COL26A1: variants seen among roughly 807,000 people sequenced by gnomAD.
The protein encoded by COL26A1 is collagen alpha-1(XXVI) chain.
Under a neutral mutation model 59.3 loss-of-function variants are expected in COL26A1, and 41 were observed. The observed-to-expected ratio is 0.69, with a 90% CI of 0.54 to 0.90. The LOEUF is 0.90. Ranked by LOEUF, COL26A1 falls within the 40% of genes least tolerant of loss-of-function variation. The pLI, the probability that COL26A1 is intolerant of heterozygous loss-of-function variation, is 0.00. For missense variants in COL26A1, 612 were observed against 602.3 expected (o/e 1.02, Z -0.17); for synonymous variants, 266 against 256.0 (o/e 1.04, Z -0.37).
intron 1 of COL26A1, among the ~76,000 whole-genome samples, chr7:101,408,746 G>C (rs1242766179): frequency 1.3e-5 from 2 of 152,202 alleles, no homozygotes; most frequent in Non-Finnish European, 2.9e-5. Flanking sequence ...ATATTTGCCT[G>C]GTTGTATTTC....
intron 3 of COL26A1, among the ~76,000 whole-genome samples, chr7:101,510,691 A>G (rs1278043936): frequency 6.6e-6 from 1 of 151,618 alleles, no homozygotes. Context: ...AATTTTTTGT[A>G]GAGAATGAGG....
chr7:101,377,554 G>A (rs1420247764), intron 1 of COL26A1, among the ~76,000 whole-genome samples: 1 of 152,140 alleles, frequency 6.6e-6, no homozygotes, highest in Admixed American at 6.6e-5. Flanking sequence ...AGCCTCTCGA[G>A]TAGGTGGAAC....
At chr7:101,465,138 A>G (rs1793727488) in intron 3 of COL26A1, among the ~76,000 whole-genome samples, 2 of 151,470 alleles carry the variant, frequency 1.3e-5, no homozygotes, top group Non-Finnish European at 2.9e-5. Flanking sequence ...CCTGGGCTCA[A>G]GCAATCTTCC....
chr7:101,449,995 G>T (rs570535275), intron 3 of COL26A1, among the ~76,000 whole-genome samples: 53 of 151,694 alleles, frequency 3.5e-4, no homozygotes, highest in African/African-American at 1.2e-3. Flanking sequence ...ATAGTGGTGG[G>T]CGCCTGTAAT....
chr7:101,543,892 A>G (rs1795669931), intron 5 of COL26A1, 106 bp from the exon 6 acceptor site: 1 of 714,220 alleles, frequency 1.4e-6, no homozygotes, highest in African/African-American at 1.8e-5. Context: ...CCAGGTAGGC[A>G]GGGCTCCTGG....
intron 2 of COL26A1, among the ~76,000 whole-genome samples, chr7:101,436,488 C>T (rs1235096265): frequency 2.6e-5 from 4 of 151,882 alleles, no homozygotes; most frequent in South Asian, 4.2e-4. Context: ...AGAAGGGGTA[C>T]GTGCCCAGTG....
intron 3 of COL26A1, among the ~76,000 whole-genome samples, chr7:101,492,595 G>T (rs1794485555): frequency 6.6e-6 from 1 of 151,704 alleles, no homozygotes; most frequent in African/African-American, 2.4e-5. Flanking sequence ...TACTCAGGAG[G>T]CTGAGGCAGA....
intron 1 of COL26A1, among the ~76,000 whole-genome samples, chr7:101,380,332 G>C (rs571347534): frequency 1.2e-4 from 16 of 131,990 alleles, no homozygotes; most frequent in African/African-American, 3.5e-4. Context: ...GTCTCTCTCT[G>C]TCGCCCAGAC....
chr7:101,543,935 C>T, intron 5 of COL26A1, 63 bp from the exon 6 acceptor site: 1 of 1,254,050 alleles, frequency 8.0e-7, no homozygotes, highest in East Asian at 2.5e-5. Context: ...GGGGGCCAGG[C>T]CTGGAGCCAC....
In COL26A1 at chr7:101,364,849, C is replaced by G. The variant is rs193182527; in HGVS notation, c.158+1659C>G. The stretch of plus-strand genomic sequence containing the variant: ...CCTCCCAAAATGCTGGGATTACAGG[C>G]GTGAGCCACCACGCCAGGCCCAGAT... On this transcript the variant is annotated intron_variant, in intron 1 of 12. Coordinates refer to ENST00000313669, the MANE Select transcript of COL26A1 (RefSeq NM_001278563.3). Among the ~76,000 whole-genome samples, 63 of 152,228 alleles carry G rather than the reference C, an allele frequency of 4.1e-4. 1 individual carries two copies. The highest frequency in any genetic ancestry group is 3.8e-3 in the Admixed American group (58 of 15,274).
intron 2 of COL26A1, among the ~76,000 whole-genome samples, chr7:101,441,112 C>T (rs934088951): frequency 6.6e-6 from 1 of 152,076 alleles, no homozygotes; most frequent in African/African-American, 2.4e-5. Context: ...CTGTACTGAA[C>T]GAACACAAAT....
At chr7:101,516,229 T>A (rs1795025692) in intron 3 of COL26A1, among the ~76,000 whole-genome samples, 1 of 152,178 alleles carries the variant, frequency 6.6e-6, no homozygotes, top group Non-Finnish European at 1.5e-5. Flanking sequence ...TTTACAACTG[T>A]ATGGGAGATT....
intron 2 of COL26A1, among the ~76,000 whole-genome samples, chr7:101,435,318 A>AT (rs1310870520): frequency 1.3e-5 from 2 of 152,180 alleles, no homozygotes; most frequent in African/African-American, 4.8e-5. Flanking sequence ...CTCCATCTCA[A>AT]TAAAAAAAGA....
chr7:101,420,009 T>C lies in COL26A1; in HGVS notation c.191T>C (p.Val64Ala), dbSNP rs1421921959. ...TGCCATCACACAGTGACACGGACGG[T>C]GTCCTGCCAGGTGCAGAATGGCTCG... The part of the protein sequence containing the change: ...HWCHHTVTRT[V>A]SCQVQNGSET... Residue 64 changes from valine to alanine, a missense_variant, in exon 2 of 13, where the codon GTG (valine) becomes GCG (alanine). Physicochemically the swap from Val to Ala is moderately conservative, Grantham distance 64. Coordinates refer to ENST00000313669, the MANE Select transcript of COL26A1 (RefSeq NM_001278563.3). The C allele has an allele frequency of 6.2e-7, 1 of 1,613,722 alleles. No individual in the cohort carries two copies. Among genetic ancestry groups the C allele is most frequent in the Non-Finnish European group, 8.5e-7 (1 of 1,179,872 alleles).
At chr7:101,401,907 C>G (rs1230441820) in intron 1 of COL26A1, among the ~76,000 whole-genome samples, 7 of 152,150 alleles carry the variant, frequency 4.6e-5, no homozygotes, top group Non-Finnish European at 1.0e-4. Flanking sequence ...CACGTTTCCT[C>G]TCTGCCTGCT....
At chr7:101,546,676 G>C (rs928077295) in intron 7 of COL26A1, among the ~76,000 whole-genome samples, 2 of 152,232 alleles carry the variant, frequency 1.3e-5, no homozygotes, top group African/African-American at 4.8e-5. Context: ...CATCCTGGAG[G>C]GCCATGGGAG....
At position 101,557,667 on chromosome 7, in the gene COL26A1, G is replaced by A; in HGVS notation, c.*137G>A. 1.1e-6 allele frequency: 1 copy of A among 899,008 alleles called. No homozygotes were observed. 55.7% of individuals were successfully genotyped at this position (899,008 alleles called of 1,614,324 possible). A position where few individuals can be genotyped will look rare whatever the true frequency, so the allele number is the denominator to read the frequency against. Reference sequence around the variant, plus strand: ...GATTGTGAGGACATGGGGGGCTTTGGGGACAGATAATGTCTCCAGGGGCAG... The same window carrying A: ...GATTGTGAGGACATGGGGGGCTTTGAGGACAGATAATGTCTCCAGGGGCAG... On this transcript the variant is annotated 3_prime_UTR_variant, in exon 13 of 13. Coordinates refer to ENST00000313669, the MANE Select transcript of COL26A1 (RefSeq NM_001278563.3).
chr7:101,483,158 A>G (rs1015109784), intron 3 of COL26A1, among the ~76,000 whole-genome samples: 2 of 151,678 alleles, frequency 1.3e-5, no homozygotes, highest in African/African-American at 4.8e-5. Context: ...TAGTCACTAC[A>G]TTTGTCTCTG....
chr7:101,519,376 T>C (rs56362396), intron 3 of COL26A1, among the ~76,000 whole-genome samples: 38,118 of 152,102 alleles, frequency 0.25, 4,911 homozygotes, highest in African/African-American at 0.29. Flanking sequence ...AGTAGTGTCA[T>C]CATAGCTCAC....
Sources: gnomAD v4.1 joint callset for allele counts (sites outside exome capture counted in the v4.1 genomes callset) on GRCh38, gnomAD v4.1.1 for gene constraint, MANE v1.5 for transcripts, NCBI Gene and HGNC (gene_info 2026-07-23, HGNC 2026-07-21) for gene names.